The following MAD1L1 variants were observed in gnomAD, a reference collection of about 807,000 sequenced individuals.
MAD1L1 encodes mitotic spindle assembly checkpoint protein MAD1.
MAD1L1 carries 95 observed loss-of-function variants against 96.9 expected under a neutral mutation model. The ratio of observed to expected loss-of-function variants is 0.98; its 90% confidence interval spans 0.83 to 1.16. MAD1L1 has a LOEUF of 1.16. MAD1L1 is among the 50% of genes most tolerant of loss of function. The probability of loss-of-function intolerance (pLI) is 0.00; values close to 1 mark genes in which losing one functional copy is unlikely to be tolerated. For missense variants in MAD1L1, 1,007 were observed against 954.4 expected (o/e 1.06, Z -0.73); for synonymous variants, 473 against 396.6 (o/e 1.19, Z -2.29).
rs1030021587 is a variant in MAD1L1, at chr7:2,169,652, C to T, written c.987-20414G>A. Among the ~76,000 whole-genome samples the T allele has an allele frequency of 3.9e-5, 6 of 152,280 alleles. No homozygotes were observed. In the East Asian group the frequency reaches 5.8e-4, roughly 15 times the overall value. ...GTTTAAAGGAGAGCAGAACAAGCAG[C>T]GGGTCAAGGTGCCAGGACTGAGATC... On this transcript the variant is annotated intron_variant, in intron 10 of 18. Transcript: ENST00000265854.
chr7:1,896,498 G>T (rs991519085), intron 18 of MAD1L1, among the ~76,000 whole-genome samples: 1 of 152,322 alleles, frequency 6.6e-6, no homozygotes, highest in Admixed American at 6.5e-5. Flanking sequence ...ACTTGCTGAC[G>T]GTGTTTTTAA....
chr7:2,223,272 CT>C (rs769088764), intron 4 of MAD1L1, among the ~76,000 whole-genome samples: 3 of 152,180 alleles, frequency 2.0e-5, no homozygotes, highest in African/African-American at 4.8e-5. Flanking sequence ...CATGCACCCC[CT>C]CTCACACAAA....
chr7:2,129,280 A>G (rs1584391296), intron 11 of MAD1L1, among the ~76,000 whole-genome samples: 5 of 152,328 alleles, frequency 3.3e-5, no homozygotes, highest in Admixed American at 2.6e-4. Context: ...AAAGAACAAG[A>G]CGCCTGGAAG....
rs148318726 is a variant in MAD1L1 at position 1,942,714 on chromosome 7, C to G, written c.1597-5817G>C. Among the ~76,000 whole-genome samples, 78 of 152,300 alleles carry G rather than the reference C, an allele frequency of 5.1e-4. 1 individual carries two copies. The East Asian group carries it at 0.014, about 28-fold the overall frequency. Reference sequence around the variant, plus strand: ...CGGCGCTGTCGGGACCAGAGACTCCCAGGGCTGATCTGCACATTCTGTACA... The same window carrying G: ...CGGCGCTGTCGGGACCAGAGACTCCGAGGGCTGATCTGCACATTCTGTACA... On this transcript the variant is annotated intron_variant, in intron 16 of 18. Transcript: ENST00000265854.
At position 2,002,100 on chromosome 7, in the gene MAD1L1, C is replaced by A; in HGVS notation, c.1381G>T (p.Glu461Ter). The change falls in exon 14 of 19, where the codon GAG becomes TAG. Residue 461 changes from glutamate (E) to a stop codon, truncating the protein, a stop_gained. Transcript: ENST00000265854. LOFTEE classifies it high-confidence loss of function. ...EMEAQLSQAL[E>*]ELGGQKQRAD... is the part of the protein sequence containing the mutation. ...CTTTGTTTCTGGCCTCCCAGCTCCT[C>A]CAGGGCCTGCGACAGCTGAGCCTGC... is the stretch of plus-strand genomic sequence containing the variant. 6.2e-7 allele frequency: 1 copy of A among 1,613,244 alleles called. No individual in the cohort carries two copies. The highest frequency in any genetic ancestry group is 8.5e-7 in the Non-Finnish European group (1 of 1,180,018).
intron 16 of MAD1L1, among the ~76,000 whole-genome samples, chr7:1,949,837 C>T (rs1314190507): frequency 2.0e-5 from 3 of 152,224 alleles, no homozygotes; most frequent in African/African-American, 7.2e-5. Context: ...CAGACAGGGC[C>T]ACGGCCCTTG....
At chr7:2,216,894 C>G (rs1331116306) in intron 7 of MAD1L1, among the ~76,000 whole-genome samples, 2 of 152,164 alleles carry the variant, frequency 1.3e-5, no homozygotes, top group African/African-American at 4.8e-5. Context: ...CCAGGGGCCT[C>G]GAAGCTGCTT....
chr7:2,065,351 T>G (rs2128526470), intron 12 of MAD1L1, among the ~76,000 whole-genome samples: 1 of 152,290 alleles, frequency 6.6e-6, no homozygotes. Context: ...GTCCCAGCCC[T>G]CCTGTTAAAG....
In MAD1L1 at chr7:1,816,106, G is replaced by A. The variant is rs554973354; in HGVS notation, c.2121C>T (p.Leu707=). The change falls in exon 19 of 19, where the codon CTC becomes CTT. Residue 707 remains leucine, a synonymous_variant. Coordinates refer to ENST00000265854, the MANE Select transcript of MAD1L1 (RefSeq NM_001013836.2). The stretch of plus-strand genomic sequence containing the variant: ...TCTGGCGGCTGAAGAGCTCGAGGGT[G>A]AGCGAGCTGAGGAAGGCAGGGATGC... ...QDSIPAFLSS[L]TLELFSRQTV... 6.2e-7 allele frequency: 1 copy of A among 1,612,532 alleles called. No individual in the cohort carries two copies. Among genetic ancestry groups the A allele is most frequent in the African/African-American group, 1.3e-5 (1 of 75,030 alleles).
chr7:2,195,071 C>A (rs1193875190), intron 10 of MAD1L1, among the ~76,000 whole-genome samples: 1 of 149,598 alleles, frequency 6.7e-6, no homozygotes, highest in Non-Finnish European at 1.5e-5. Flanking sequence ...CTGGGCAACA[C>A]AGCAAGACTC....
chr7:2,150,113 C>T (rs922110537), intron 10 of MAD1L1, among the ~76,000 whole-genome samples: 13 of 152,286 alleles, frequency 8.5e-5, no homozygotes, highest in East Asian at 3.9e-4. Context: ...TCAGGGAGCC[C>T]GCACCGCACC....
intron 5 of MAD1L1, among the ~76,000 whole-genome samples, chr7:2,221,568 C>A (rs1376180546): frequency 1.4e-5 from 2 of 146,900 alleles, no homozygotes. Flanking sequence ...CGATCTTGAT[C>A]GCCACAGACA....
intron 18 of MAD1L1, among the ~76,000 whole-genome samples, chr7:1,826,951 C>G (rs537967842): frequency 8.5e-5 from 13 of 152,210 alleles, no homozygotes; most frequent in Non-Finnish European, 1.9e-4. Context: ...AGAAAAATCC[C>G]AAACCAACAA....
intron 18 of MAD1L1, among the ~76,000 whole-genome samples, chr7:1,875,577 G>A (rs943173931): frequency 2.0e-5 from 3 of 152,192 alleles, no homozygotes; most frequent in East Asian, 1.9e-4. Context: ...TGGCCCACAC[G>A]GGCTGGGAGG....
rs561315514 is a variant in MAD1L1, at chr7:1,904,162, C to T, written c.1808-5772G>A. On this transcript the variant is annotated intron_variant, in intron 17 of 18. Coordinates refer to ENST00000265854, the MANE Select transcript of MAD1L1 (RefSeq NM_001013836.2). ...CGAGGACGCAGTGGCCTATGGAAGA[C>T]GCTCTTGCAGAATTCATGATTAATG... 6.3e-3 allele frequency among the ~76,000 whole-genome samples: 885 copies of T among 140,082 alleles called. 36 individuals carry two copies. Among genetic ancestry groups the T allele is most frequent in the African/African-American group, 0.023 (838 of 36,002 alleles). The allele number at this position is 140,082 out of a possible 152,430, so 91.9% of individuals were successfully genotyped here. A position where few individuals can be genotyped will look rare whatever the true frequency, so the allele number is the denominator to read the frequency against.
At chr7:1,920,523 C>A (rs535967662) in intron 17 of MAD1L1, among the ~76,000 whole-genome samples, 1 of 152,264 alleles carries the variant, frequency 6.6e-6, no homozygotes, top group South Asian at 2.1e-4. Context: ...GAACCCATCG[C>A]ATGGAGTTGG....
intron 18 of MAD1L1, among the ~76,000 whole-genome samples, chr7:1,831,474 A>G (rs1256893245): frequency 6.6e-6 from 1 of 152,060 alleles, no homozygotes; most frequent in Non-Finnish European, 1.5e-5. Flanking sequence ...CCCATTAATA[A>G]CCCTAGAATG....
chr7:1,871,284 T>C (rs1456059532), intron 18 of MAD1L1, among the ~76,000 whole-genome samples: 25 of 52,714 alleles, frequency 4.7e-4, no homozygotes, highest in Admixed American at 1.8e-3. Flanking sequence ...CTGAACCCAT[T>C]GTAACACCTG....
chr7:2,062,694 G>T (rs1017124786), intron 12 of MAD1L1, among the ~76,000 whole-genome samples: 5 of 152,182 alleles, frequency 3.3e-5, no homozygotes, highest in African/African-American at 1.2e-4. Context: ...TCTAGAGTCT[G>T]TCCTGGGTCT....
Sources: allele counts gnomAD v4.1 joint callset (sites outside exome capture counted in the v4.1 genomes callset), GRCh38; gene constraint gnomAD v4.1.1; transcripts MANE v1.5; gene names NCBI Gene and HGNC (gene_info 2026-07-23, HGNC 2026-07-21).